HTR6: variants seen among roughly 807,000 people sequenced by gnomAD.
The protein encoded by HTR6 is 5-hydroxytryptamine receptor 6.
In HTR6, 15 loss-of-function variants were observed where a neutral mutation model predicts 17.4. The ratio of observed to expected loss-of-function variants is 0.86; its 90% CI spans 0.58 to 1.33. HTR6 has a LOEUF of 1.33. HTR6 is among the 40% of genes most tolerant of loss of function. The pLI is 0.00. For missense variants in HTR6, 578 were observed against 616.0 expected, an observed-to-expected ratio of 0.94 and a Z score of 0.65; for synonymous variants, 326 against 295.5, an observed-to-expected ratio of 1.10 and a Z score of -1.06.
intron 1 of HTR6, among the ~76,000 whole-genome samples, chr1:19,668,176 G>A (rs2095083832): frequency 1.3e-5 from 2 of 152,202 alleles, no homozygotes; most frequent in Non-Finnish European, 2.9e-5. Context: ...CAGGTGGCTG[G>A]GACTCTGACT....
chr1:19,677,029 T>C (rs1265370827), intron 1 of HTR6, among the ~76,000 whole-genome samples: 1 of 152,122 alleles, frequency 6.6e-6, no homozygotes, highest in Non-Finnish European at 1.5e-5. Flanking sequence ...AAAATCCACG[T>C]TGATTACAGA....
At position 19,678,493 on chromosome 1, in the gene HTR6, C is replaced by T. The variant is rs2095097020; in HGVS notation, c.715-74C>T. The T allele has an allele frequency of 4.5e-6, 7 of 1,557,802 alleles. No individual in the cohort carries two copies. In the South Asian group the frequency reaches 7.8e-5, roughly 17 times the overall value. ...GCTCAGTCTAGAATTAGGATTGAAG[C>T]TCAGTCTGTGGCTAGGATCAGGGTC... On this transcript the variant is annotated intron_variant, in intron 1 of 2. Coordinates refer to ENST00000289753, the MANE Select transcript of HTR6 (RefSeq NM_000871.3).
At position 19,666,006 on chromosome 1, in the gene HTR6, C is replaced by T. The variant is rs748591637; in HGVS notation, c.253C>T (p.Leu85=). Residue 85 remains leucine, a synonymous_variant, in exon 1 of 3, where the codon CTG becomes TTG. Transcript: ENST00000289753. This position sits in a 1 kb window ranked among gnomAD's most constrained non-coding sequence, Gnocchi z 4.5. ...GCTGGTGGTGATGCCGCCGGCCATG[C>T]TGAACGCGCTGTACGGGCGCTGGGT... The part of the protein sequence containing the change: ...VGLVVMPPAM[L]NALYGRWVLA... 13 of 1,613,796 alleles carry T rather than the reference C, an allele frequency of 8.1e-6. No individual in the cohort carries two copies. In the Admixed American group the frequency reaches 1.2e-4, roughly 14 times the overall value.
chr1:19,674,012 C>T (rs908767567), intron 1 of HTR6, among the ~76,000 whole-genome samples: 3 of 151,964 alleles, frequency 2.0e-5, no homozygotes, highest in South Asian at 2.1e-4. Flanking sequence ...GGGCTACAGA[C>T]GCACATCACC....
At chr1:19,670,869 G>C (rs536244947) in intron 1 of HTR6, among the ~76,000 whole-genome samples, 2 of 152,262 alleles carry the variant, frequency 1.3e-5, no homozygotes, top group Non-Finnish European at 2.9e-5. Flanking sequence ...AGTGCTTCAG[G>C]GAGCCTGGTA....
At chr1:19,668,624 G>T (rs1369659713) in intron 1 of HTR6, among the ~76,000 whole-genome samples, 1 of 152,138 alleles carries the variant, frequency 6.6e-6, no homozygotes, top group African/African-American at 2.4e-5. Flanking sequence ...ATTAGACACA[G>T]GGTCTCACTA....
intron 1 of HTR6, among the ~76,000 whole-genome samples, chr1:19,674,133 GC>G (rs1368193248): frequency 6.6e-6 from 1 of 152,104 alleles, no homozygotes; most frequent in African/African-American, 2.4e-5. Flanking sequence ...CTCCCAAAGT[GC>G]TGGGATTACA....
chr1:19,666,271 G>C lies in HTR6; in HGVS notation c.518G>C (p.Arg173Pro), dbSNP rs774275533. Residue 173 changes from arginine to proline, a missense_variant, in exon 1 of 3, where the codon CGG becomes CCG. Physicochemically the swap from Arg to Pro is moderately radical, Grantham distance 103 (BLOSUM62 -2). Transcript: ENST00000289753. This position sits in a 1 kb window ranked among gnomAD's most constrained non-coding sequence, Gnocchi z 4.5. ...GGCTGGCACGAGCTGGGCCACGCAC[G>C]GCCACCCGTCCCTGGCCAGTGCCGC... ...LLGWHELGHA[R>P]PPVPGQCRLL... 2 of 1,610,614 alleles carry C rather than the reference G, an allele frequency of 1.2e-6. No homozygotes were observed. The highest frequency in any genetic ancestry group is 1.7e-6 in the Non-Finnish European group (2 of 1,179,694).
chr1:19,675,999 C>T (rs903829314), intron 1 of HTR6, among the ~76,000 whole-genome samples: 1 of 152,018 alleles, frequency 6.6e-6, no homozygotes, highest in African/African-American at 2.4e-5. Context: ...GGAGAGCATC[C>T]TCTAGTCATA....
In HTR6 at chr1:19,680,255, C is replaced by T. The variant is rs890055890; in HGVS notation, c.*887C>T. 4.6e-5 allele frequency among the ~76,000 whole-genome samples: 7 copies of T among 152,230 alleles called. No individual in the cohort carries two copies. Among genetic ancestry groups the T allele is most frequent in the African/African-American group, 1.7e-4 (7 of 41,454 alleles). On this transcript the variant is annotated 3_prime_UTR_variant, in exon 3 of 3. Transcript: ENST00000289753. ...ACCCCCGGCTATCCAGCCCCCTGGC[C>T]TCTCCGGCTGTGTGTCAGGAAGGGC...
At chr1:19,674,307 A>G (rs549187912) in intron 1 of HTR6, among the ~76,000 whole-genome samples, 100 of 152,296 alleles carry the variant, frequency 6.6e-4, no homozygotes, top group African/African-American at 2.4e-3. Flanking sequence ...TAATTTAATA[A>G]TCATGGAGAT....
rs1325242060 is a variant in HTR6 at position 19,680,870 on chromosome 1, C to G, written c.*1502C>G. Among the ~76,000 whole-genome samples the G allele has an allele frequency of 6.6e-6, 1 of 152,226 alleles. No homozygotes were observed. The highest frequency in any genetic ancestry group is 1.5e-5 in the Non-Finnish European group (1 of 68,042). ...GTGCTGATGAGACACAACTCTGGCC[C>G]CGGCGGCTGGCCTCTGAGGGGCCAT... On this transcript the variant is annotated 3_prime_UTR_variant, in exon 3 of 3. Transcript: ENST00000289753.
At chr1:19,675,320 A>G (rs1193644996) in intron 1 of HTR6, among the ~76,000 whole-genome samples, 1 of 152,172 alleles carries the variant, frequency 6.6e-6, no homozygotes, top group African/African-American at 2.4e-5. Flanking sequence ...GCTGATGTGT[A>G]GTAAGTGCTC....
At position 19,669,902 on chromosome 1, in the gene HTR6, C is replaced by T. The variant is rs530029587; in HGVS notation, c.714+3435C>T. On this transcript the variant is annotated intron_variant, in intron 1 of 2. Coordinates refer to ENST00000289753, the MANE Select transcript of HTR6 (RefSeq NM_000871.3). Reference sequence around the variant, plus strand: ...CTGCTAGCCTCGGCCTCCCAAAGTGCTGGGATTACAGGCGTGAGCCACTGC... The same window carrying T: ...CTGCTAGCCTCGGCCTCCCAAAGTGTTGGGATTACAGGCGTGAGCCACTGC... 7.2e-5 allele frequency among the ~76,000 whole-genome samples: 11 copies of T among 152,300 alleles called. No individual in the cohort carries two copies. In the South Asian group the frequency reaches 2.1e-3, roughly 29 times the overall value.
chr1:19,678,491 A>T, intron 1 of HTR6, 76 bp from the exon 2 acceptor site: 2 of 1,551,002 alleles, frequency 1.3e-6, no homozygotes, highest in South Asian at 2.2e-5. Flanking sequence ...TTAGGATTGA[A>T]GCTCAGTCTG....
intron 1 of HTR6, among the ~76,000 whole-genome samples, chr1:19,671,643 G>A (rs1159353941): frequency 6.6e-6 from 1 of 152,038 alleles, no homozygotes; most frequent in Non-Finnish European, 1.5e-5. Flanking sequence ...CCCTTTTCCT[G>A]TGCCCAGCCC....
chr1:19,671,374 G>A (rs936116275), intron 1 of HTR6, among the ~76,000 whole-genome samples: 2 of 152,138 alleles, frequency 1.3e-5, no homozygotes, highest in East Asian at 1.9e-4. Flanking sequence ...TGGTTTGAAC[G>A]TGACGTGTGC....
At chr1:19,675,666 G>A (rs2095093344) in intron 1 of HTR6, among the ~76,000 whole-genome samples, 1 of 152,102 alleles carries the variant, frequency 6.6e-6, no homozygotes, top group Admixed American at 6.5e-5. Context: ...GATAAGATCA[G>A]GGCTACCTCC....
Position 19,666,596 on chromosome 1 carries a change from C to G in HTR6, c.714+129C>G. The G allele has an allele frequency of 1.5e-6, 1 of 685,992 alleles. No homozygotes were observed. The highest frequency in any genetic ancestry group is 2.4e-6 in the Non-Finnish European group (1 of 415,700). The allele number at this position is 685,992 out of a possible 1,614,324, so 42.5% of individuals were successfully genotyped here. A position where few individuals can be genotyped will look rare whatever the true frequency, so the allele number is the denominator to read the frequency against. On this transcript the variant is annotated intron_variant, in intron 1 of 2. Coordinates refer to ENST00000289753, the MANE Select transcript of HTR6 (RefSeq NM_000871.3). The surrounding 1 kb of genome is among the most constrained non-coding windows in gnomAD (Gnocchi z 4.5). ...CCTGCGTGGCTGTTGTGAGCGCCCA[C>G]CTTTCTTCTGAACTCCAGAGCCAAT...
Sources: gnomAD v4.1 joint callset for allele counts (sites outside exome capture counted in the v4.1 genomes callset) on GRCh38, gnomAD v4.1.1 for gene constraint, Gnocchi (gnomAD v3.1) non-coding constraint, MANE v1.5 for transcripts, NCBI Gene and HGNC (gene_info 2026-07-23, HGNC 2026-07-21) for gene names.